Variants in TRAPPC8 observed in about 807,000 individuals in gnomAD.
TRAPPC8 encodes the protein general sporulation gene 1 homolog.
A neutral mutation model predicts 174.3 loss-of-function variants in TRAPPC8; 54 were observed. That is an observed-to-expected ratio of 0.31 (90% CI 0.25 to 0.39). The LOEUF (loss-of-function observed/expected upper bound fraction) is 0.39. TRAPPC8 is among the 10% of genes least tolerant of loss of function. TRAPPC8 has a pLI of 1.00. For synonymous variants in TRAPPC8, 630 were observed against 579.9 expected, an observed-to-expected ratio of 1.09 and a Z score of -1.24; for missense variants, 1,531 against 1,699.1, an observed-to-expected ratio of 0.90 and a Z score of 1.74.
At chr18:31,868,708 T>C (rs1315277140) in intron 16 of TRAPPC8, among the ~76,000 whole-genome samples, 5 of 152,146 alleles carry the variant, frequency 3.3e-5, no homozygotes, top group African/African-American at 1.2e-4. Flanking sequence ...TTACTTGTTT[T>C]GTGGTTTTTT....
chr18:31,908,139 A>C (rs991622795), intron 8 of TRAPPC8, among the ~76,000 whole-genome samples, 164 bp downstream of exon 8: 4 of 152,164 alleles, frequency 2.6e-5, no homozygotes, highest in Non-Finnish European at 5.9e-5. Context: ...TTAGTTTTTA[A>C]AAAATTAATA....
In TRAPPC8 at chr18:31,855,745, G is replaced by A; in HGVS notation, c.3251C>T (p.Thr1084Ile). The A allele has an allele frequency of 6.2e-7, 1 of 1,611,628 alleles. No individual in the cohort carries two copies. The highest frequency in any genetic ancestry group is 8.5e-7 in the Non-Finnish European group (1 of 1,179,566). Reference protein sequence around the residue: ...CTSRSLNVRATVCRSNSLENE... With the variant: ...CTSRSLNVRAIVCRSNSLENE... ...TTCAAGAGAATTACTTCTGCAGACA[G>A]TGGCCCGTACATTTAAAGACCGACT... Residue 1084 changes from threonine to isoleucine, a missense_variant, in exon 21 of 29, where the codon ACT becomes ATT. By Grantham distance (89) the Thr-to-Ile change is moderately conservative (BLOSUM62 -1). Transcript: ENST00000283351.
rs544607059 is a variant in TRAPPC8, at chr18:31,932,892, G to C, written c.158-1369C>G. On this transcript the variant is annotated intron_variant, in intron 1 of 28. Transcript: ENST00000283351. ...AGCTACTGGGGACGCTGAGGCAGGA[G>C]AATCACTTGAATGCGGAGGCTGCAG... is the stretch of plus-strand genomic sequence containing the variant. Among the ~76,000 whole-genome samples the C allele has an allele frequency of 5.3e-4, 79 of 148,414 alleles. 1 individual carries two copies. Among genetic ancestry groups the C allele is most frequent in the African/African-American group, 1.7e-3 (68 of 40,276 alleles).
chr18:31,870,642 T>C (rs764954824), intron 15 of TRAPPC8, 140 bp from the exon 16 acceptor site: 337 of 966,392 alleles, frequency 3.5e-4, no homozygotes, highest in Middle Eastern at 7.4e-4. Context: ...AATGTCCACG[T>C]ATTCAGGATT....
At chr18:31,919,996 C>T (rs1458415685) in intron 2 of TRAPPC8, among the ~76,000 whole-genome samples, 6 of 152,106 alleles carry the variant, frequency 3.9e-5, no homozygotes, top group African/African-American at 1.4e-4. Context: ...TCACCCACCA[C>T]GAACACCTAC....
intron 26 of TRAPPC8, among the ~76,000 whole-genome samples, chr18:31,840,625 T>C (rs1384492263): frequency 3.9e-5 from 6 of 152,244 alleles, no homozygotes; most frequent in African/African-American, 1.4e-4. Flanking sequence ...TTGTAAAGTT[T>C]TATTGAAACG....
intron 1 of TRAPPC8, among the ~76,000 whole-genome samples, chr18:31,933,210 A>C (rs2145638049): frequency 6.8e-6 from 1 of 147,068 alleles, no homozygotes; most frequent in African/African-American, 2.5e-5. Flanking sequence ...CTGAAGCAGG[A>C]GAATGGTGTG....
At chr18:31,928,336 TACACACACAC>T (rs34570497) in intron 2 of TRAPPC8, among the ~76,000 whole-genome samples, 21 of 142,952 alleles carry the variant, frequency 1.5e-4, no homozygotes, top group Non-Finnish European at 2.5e-4. Flanking sequence ...ACCTTATCTC[TACACACACAC>T]ACACACACAC....
chr18:31,895,045 C>T (rs2036126435), intron 11 of TRAPPC8, among the ~76,000 whole-genome samples: 1 of 152,082 alleles, frequency 6.6e-6, no homozygotes, highest in Non-Finnish European at 1.5e-5. Context: ...GGGCATAAAA[C>T]AAAAAATATG....
chr18:31,853,256 CCAGTT>C (rs1215706894), intron 22 of TRAPPC8, among the ~76,000 whole-genome samples: 1 of 151,880 alleles, frequency 6.6e-6, no homozygotes. Flanking sequence ...TATTTTTGTA[CCAGTT>C]AAGTTTTGTT....
chr18:31,913,201 C>T (rs1488770834), intron 5 of TRAPPC8, among the ~76,000 whole-genome samples, 168 bp downstream of exon 5: 1 of 152,088 alleles, frequency 6.6e-6, no homozygotes, highest in African/African-American at 2.4e-5. Flanking sequence ...GGGATTACTG[C>T]AGTTAGTTAA....
chr18:31,849,158 A>T (rs951748292), intron 25 of TRAPPC8, among the ~76,000 whole-genome samples: 1 of 152,186 alleles, frequency 6.6e-6, no homozygotes, highest in Non-Finnish European at 1.5e-5. Flanking sequence ...CAAAAAAATT[A>T]ACAATAAAAG....
intron 2 of TRAPPC8, among the ~76,000 whole-genome samples, chr18:31,928,104 C>T (rs1403352552): frequency 6.6e-6 from 1 of 151,378 alleles, no homozygotes; most frequent in Non-Finnish European, 1.5e-5. Context: ...TGCAGTGAGC[C>T]AAGATCGTGC....
chr18:31,920,503 TATAAA>T (rs1000029841), intron 2 of TRAPPC8, among the ~76,000 whole-genome samples: 1 of 152,082 alleles, frequency 6.6e-6, no homozygotes, highest in African/African-American at 2.4e-5. Flanking sequence ...TGTTCATTCT[TATAAA>T]AGAGGAACTA....
intron 16 of TRAPPC8, among the ~76,000 whole-genome samples, chr18:31,868,592 A>G (rs2034695413): frequency 6.6e-6 from 1 of 152,220 alleles, no homozygotes; most frequent in South Asian, 2.1e-4. Flanking sequence ...ACAGCCTGGG[A>G]AATCTCATTC....
intron 26 of TRAPPC8, among the ~76,000 whole-genome samples, chr18:31,845,573 T>A (rs2033355746): frequency 6.6e-6 from 1 of 151,760 alleles, no homozygotes; most frequent in South Asian, 2.1e-4. Flanking sequence ...TTGGGAGTAA[T>A]TAAGAACGAT....
At chr18:31,936,664 G>A (rs1440048030) in intron 1 of TRAPPC8, among the ~76,000 whole-genome samples, 1 of 152,020 alleles carries the variant, frequency 6.6e-6, no homozygotes, top group Admixed American at 6.6e-5. Flanking sequence ...ACTTTGGGAG[G>A]CCGAAGGCGG....
At chr18:31,868,512 T>C (rs981641198) in intron 16 of TRAPPC8, among the ~76,000 whole-genome samples, 15 of 152,272 alleles carry the variant, frequency 9.9e-5, no homozygotes, top group Admixed American at 7.8e-4. Flanking sequence ...GTTTAACCGC[T>C]CATACTGAGT....
At chr18:31,892,049 T>G (rs1286330842) in intron 11 of TRAPPC8, among the ~76,000 whole-genome samples, 1 of 152,216 alleles carries the variant, frequency 6.6e-6, no homozygotes, top group African/African-American at 2.4e-5. Context: ...AAAAACGGGT[T>G]TGTGTCAGAA....
Sources: gnomAD v4.1 joint callset for allele counts (sites outside exome capture counted in the v4.1 genomes callset) on GRCh38, gnomAD v4.1.1 for gene constraint, MANE v1.5 for transcripts, NCBI Gene and HGNC (gene_info 2026-07-23, HGNC 2026-07-21) for gene names.